Variants in CCDC144A observed in about 807,000 individuals in gnomAD.
The protein encoded by CCDC144A is coiled-coil domain containing 144A.
CCDC144A carries 41 observed loss-of-function variants against 143.8 expected under a neutral mutation model. The observed-to-expected ratio is 0.29, with a 90% CI of 0.22 to 0.37. The LOEUF (loss-of-function observed/expected upper bound fraction) is 0.37, where lower values mean the gene tolerates loss of function less well. Ranked by LOEUF, CCDC144A falls within the 10% of genes least tolerant of loss-of-function variation. CCDC144A has a pLI of 1.00. For synonymous variants in CCDC144A, 242 were observed against 517.9 expected (o/e 0.47, Z 7.23); for missense variants, 637 against 1,488.8 (o/e 0.43, Z 9.41).
chr17:16,694,417 C>T (rs1422975517), intron 2 of CCDC144A, among the ~76,000 whole-genome samples: 2 of 152,090 alleles, frequency 1.3e-5, no homozygotes, highest in African/African-American at 4.8e-5. Flanking sequence ...CACATCTCTA[C>T]AAAAACAAAT....
chr17:16,720,172 T>C, intron 6 of CCDC144A, 26 bp from the exon 7 acceptor site: 1 of 1,508,746 alleles, frequency 6.6e-7, no homozygotes, highest in Non-Finnish European at 8.8e-7. Flanking sequence ...GCTATTTTTC[T>C]AAAAGGAATT....
intron 12 of CCDC144A, among the ~76,000 whole-genome samples, chr17:16,751,168 C>T (rs140680839): frequency 0.023 from 3,543 of 152,038 alleles, 135 homozygotes; most frequent in African/African-American, 0.081. Context: ...GTTTCTTTAT[C>T]GTTTTGAAAT....
intron 12 of CCDC144A, chr17:16,745,976 A>G (rs1365076173): frequency 2.5e-6 from 4 of 1,609,418 alleles, no homozygotes; most frequent in African/African-American, 2.7e-5. Flanking sequence ...CGTCATCCAC[A>G]TGGTGTCTTT....
intron 2 of CCDC144A, among the ~76,000 whole-genome samples, chr17:16,700,972 AATAAG>A (rs1245868557): frequency 6.6e-6 from 1 of 152,076 alleles, no homozygotes; most frequent in East Asian, 1.9e-4. Flanking sequence ...ACAATTATGA[AATAAG>A]ATCAGATATT....
intron 12 of CCDC144A, among the ~76,000 whole-genome samples, chr17:16,754,081 A>G (rs1293722655): frequency 6.6e-6 from 1 of 152,152 alleles, no homozygotes; most frequent in African/African-American, 2.4e-5. Flanking sequence ...CCAGGAATGT[A>G]TCCATTTTCC....
At chr17:16,678,829 A>T in the CCDC144A span, among the ~76,000 whole-genome samples, 1 of 136,724 alleles carries the variant, frequency 7.3e-6, no homozygotes, top group African/African-American at 2.8e-5. Flanking sequence ...ATCTTGGCTC[A>T]TGTCAACCTC....
rs1912125148 is a variant in CCDC144A, at chr17:16,707,450, G to T, written c.665-19G>T. 1.3e-6 allele frequency: 2 copies of T among 1,571,620 alleles called. No homozygotes were observed. Among genetic ancestry groups the T allele is most frequent in the Non-Finnish European group, 1.7e-6 (2 of 1,150,438 alleles). ...TCTAACTGTTCTAAGTAGTTTAACT[G>T]AATGTTTGGATTTTGCAGCAGAACA... On this transcript the variant is annotated intron_variant, in intron 3 of 16. Transcript: ENST00000399273.
chr17:16,761,804 T>C, intron 13 of CCDC144A, 86 bp downstream of exon 13: 12 of 1,271,570 alleles, frequency 9.4e-6, no homozygotes, highest in Non-Finnish European at 6.5e-6. Flanking sequence ...TTTTCTCTAC[T>C]TTCCTTACAG....
At chr17:16,693,558 A>T (rs1433755118) in intron 2 of CCDC144A, among the ~76,000 whole-genome samples, 3 of 152,070 alleles carry the variant, frequency 2.0e-5, no homozygotes, top group African/African-American at 7.2e-5. Context: ...CTCATGATCC[A>T]TCCGCCTCGG....
At chr17:16,736,713 G>A (rs2143256435) in intron 12 of CCDC144A, among the ~76,000 whole-genome samples, 1 of 151,704 alleles carries the variant, frequency 6.6e-6, no homozygotes, top group East Asian at 1.9e-4. Context: ...GACAGTTGTA[G>A]GAGCTGAGAT....
At chr17:16,718,368 G>A (rs1912893708) in intron 6 of CCDC144A, among the ~76,000 whole-genome samples, 2 of 151,978 alleles carry the variant, frequency 1.3e-5, no homozygotes, top group Admixed American at 1.3e-4. Context: ...GTATGCTGCT[G>A]GGAATGATAG....
intron 12 of CCDC144A, among the ~76,000 whole-genome samples, chr17:16,753,431 T>TGTTGTTGTTGTTGTTG (rs1914904209): frequency 8.7e-6 from 1 of 115,066 alleles, no homozygotes; most frequent in Non-Finnish European, 1.7e-5. Context: ...TTTTGTAGTT[T>TGTTGTTGTTGTTGTTG]TTTTTTTTTT....
At chr17:16,711,356 C>T (rs1286089217) in intron 5 of CCDC144A, among the ~76,000 whole-genome samples, 2 of 151,708 alleles carry the variant, frequency 1.3e-5, no homozygotes, top group Admixed American at 1.3e-4. Context: ...GGTAAAAATT[C>T]ATAATACATA....
the CCDC144A span, among the ~76,000 whole-genome samples, chr17:16,678,871 C>T: frequency 1.3e-5 from 2 of 150,914 alleles, no homozygotes; most frequent in Non-Finnish European, 2.9e-5. Flanking sequence ...TCTCCTGCCT[C>T]AGCCTCCCAA....
At chr17:16,684,752 C>T (rs1597517226), upstream of CCDC144A, among the ~76,000 whole-genome samples, 1 of 151,648 alleles carries the variant, frequency 6.6e-6, no homozygotes, top group Non-Finnish European at 1.5e-5. Context: ...CTACTTCAGC[C>T]GAGAAGTTTG....
chr17:16,704,249 T>C (rs2143092212), intron 2 of CCDC144A, among the ~76,000 whole-genome samples: 1 of 152,224 alleles, frequency 6.6e-6, no homozygotes, highest in Non-Finnish European at 1.5e-5. Context: ...GGTCAGGAGA[T>C]TGAGACCATC....
At chr17:16,716,747 T>C (rs890083514) in intron 6 of CCDC144A, among the ~76,000 whole-genome samples, 143 of 152,056 alleles carry the variant, frequency 9.4e-4, no homozygotes, top group African/African-American at 3.4e-3. Context: ...ACCCAAAACA[T>C]AGCACAGATC....
At chr17:16,722,892 A>C (rs1424332866) in intron 8 of CCDC144A, among the ~76,000 whole-genome samples, 1 of 151,948 alleles carries the variant, frequency 6.6e-6, no homozygotes, top group Admixed American at 6.6e-5. Flanking sequence ...TTGTTCACTC[A>C]CCTAAAGGAG....
chr17:16,704,903 G>A (rs1204083031), intron 2 of CCDC144A, among the ~76,000 whole-genome samples: 1 of 152,080 alleles, frequency 6.6e-6, no homozygotes, highest in East Asian at 1.9e-4. Flanking sequence ...AGAGACTCCT[G>A]AGTGAATAAA....
Sources: allele counts gnomAD v4.1 joint callset (sites outside exome capture counted in the v4.1 genomes callset), GRCh38; gene constraint gnomAD v4.1.1; transcripts MANE v1.5; gene names NCBI Gene and HGNC (gene_info 2026-07-23, HGNC 2026-07-21).